Variants in TRPM2 observed in about 807,000 individuals in gnomAD.
TRPM2 encodes estrogen-responsive element-associated gene 1 protein.
A neutral mutation model predicts 174.0 loss-of-function variants in TRPM2; 161 were observed. The observed-to-expected ratio is 0.93, with a 90% CI of 0.81 to 1.05. TRPM2 has a LOEUF of 1.05. TRPM2 is among the 50% of genes least tolerant of loss of function. TRPM2 has a pLI of 0.00. For missense variants in TRPM2, 2,057 were observed against 2,038.0 expected (o/e 1.01, Z -0.18); for synonymous variants, 954 against 861.3 (o/e 1.11, Z -1.88).
Position 44,399,284 on chromosome 21 carries a change from A to G in TRPM2, c.2063-12A>G, listed in dbSNP as rs10211867. ...CCTGCTGCTCTGACGGGGCTCTCAT[A>G]TCTCCGCCCAGGGGTCTTCACCGAG... On this transcript the variant is annotated splice_polypyrimidine_tract_variant and intron_variant, in intron 13 of 31. Transcript: ENST00000397928. This position sits in a 1 kb window ranked among gnomAD's most constrained non-coding sequence, Gnocchi z 4.6. The G allele has an allele frequency of 9.6e-3, 15,389 of 1,607,600 alleles. 706 individuals are homozygous for G. The African/African-American group carries it at 0.12, about 12-fold the overall frequency.
intron 20 of TRPM2, chr21:44,416,879 T>C (rs1484727376): frequency 9.9e-6 from 2 of 201,968 alleles, no homozygotes; most frequent in Non-Finnish European, 1.9e-5. Flanking sequence ...AGTGGGCACG[T>C]GGGTGTGGCT....
At chr21:44,410,868 G>T (rs1215427016) in intron 19 of TRPM2, among the ~76,000 whole-genome samples, 1 of 86,558 alleles carries the variant, frequency 1.2e-5, no homozygotes, top group African/African-American at 3.7e-5. Flanking sequence ...CTGTCTTGGT[G>T]AGCGTAGTCT....
chr21:44,413,931 C>G lies in TRPM2; in HGVS notation c.3003C>G (p.Thr1001=). 6.2e-7 allele frequency: 1 copy of G among 1,613,982 alleles called. No individual in the cohort carries two copies. Among genetic ancestry groups the G allele is most frequent in the Non-Finnish European group, 8.5e-7 (1 of 1,179,980 alleles). The change falls in exon 20 of 32, where the codon ACC becomes ACG. Residue 1001 remains threonine, a synonymous_variant. Transcript: ENST00000397928. ...CGGAGCACTGCAGCCCCAATGGCAC[C>G]GACCCCTACAAGCCTAAGTGCCCCG... is the stretch of plus-strand genomic sequence containing the variant. ...FNPEHCSPNG[T]DPYKPKCPES...
At chr21:44,388,791 C>G (rs944431907) in intron 9 of TRPM2, among the ~76,000 whole-genome samples, 1 of 152,044 alleles carries the variant, frequency 6.6e-6, no homozygotes. Context: ...AATATGATCA[C>G]AGCACTGTGC....
intron 28 of TRPM2, 120 bp from the exon 29 acceptor site, chr21:44,436,942 G>T: frequency 2.6e-6 from 2 of 767,962 alleles, no homozygotes; most frequent in South Asian, 1.8e-5. Flanking sequence ...AAAAGAACAC[G>T]GTTTGAGCCT....
chr21:44,386,599 A>G (rs1275060496), intron 9 of TRPM2, among the ~76,000 whole-genome samples: 2 of 152,212 alleles, frequency 1.3e-5, no homozygotes, highest in Admixed American at 6.5e-5. Context: ...GAAAGAAGAC[A>G]TAAATAAATG....
intron 27 of TRPM2, among the ~76,000 whole-genome samples, chr21:44,427,784 T>C (rs1015279201): frequency 6.6e-6 from 1 of 152,120 alleles, no homozygotes; most frequent in Non-Finnish European, 1.5e-5. Flanking sequence ...GAACAGGGTG[T>C]GGGCTCCTCT....
chr21:44,424,888 A>G lies in TRPM2; in HGVS notation c.3586A>G (p.Arg1196Gly), dbSNP rs576109616. ...QTAQALHWIV[R>G]TLRASGFSSE... is the part of the protein sequence containing the mutation. ...AGCCCAAGCCCTGCACTGGATCGTG[A>G]GGACGCTGCGGGCCAGCGGCTTCAG... The change falls in exon 24 of 32, where the codon AGG (arginine) becomes GGG (glycine). Residue 1196 changes from arginine (R) to glycine (G), a missense_variant. By Grantham distance (125) the Arg-to-Gly change is moderately radical (BLOSUM62 -2). Transcript: ENST00000397928. 3 of 1,608,328 alleles carry G rather than the reference A, an allele frequency of 1.9e-6. No individual in the cohort carries two copies. In the South Asian group the frequency reaches 3.3e-5, roughly 18 times the overall value.
chr21:44,407,688 GTAA>G (rs922554018), intron 19 of TRPM2, among the ~76,000 whole-genome samples: 3 of 151,632 alleles, frequency 2.0e-5, no homozygotes, highest in Admixed American at 6.6e-5. Context: ...ACTGGATGAT[GTAA>G]TAGGCAGTCT....
intron 16 of TRPM2, among the ~76,000 whole-genome samples, chr21:44,403,539 C>T (rs2049708198): frequency 6.6e-6 from 1 of 150,580 alleles, no homozygotes; most frequent in South Asian, 2.1e-4. Flanking sequence ...TGCACACACA[C>T]ATAGGCACAC....
chr21:44,400,824 C>T (rs577216540), intron 15 of TRPM2, among the ~76,000 whole-genome samples: 1 of 151,894 alleles, frequency 6.6e-6, no homozygotes, highest in South Asian at 2.1e-4. Flanking sequence ...ACACGGCTGG[C>T]CATGGTTGAA....
intron 12 of TRPM2, 123 bp downstream of exon 12, chr21:44,395,674 G>GTGTGGAGGGGTGTGGAGGGCTGTGGAGGA: frequency 2.2e-6 from 1 of 453,794 alleles, no homozygotes; most frequent in Non-Finnish European, 3.6e-6. Flanking sequence ...CTGTGGAGGG[G>GTGTGGAGGGGTGTGGAGGGCTGTGGAGGA]TGTGGAGGGG....
At chr21:44,368,981 C>T in intron 4 of TRPM2, 196 bp from the exon 5 acceptor site, 1 of 520,774 alleles carries the variant, frequency 1.9e-6, no homozygotes, top group South Asian at 4.0e-5. Flanking sequence ...GGGGCCTGCT[C>T]CTGTTCCCAC....
At chr21:44,359,718 T>C (rs565724908) in intron 2 of TRPM2, among the ~76,000 whole-genome samples, 1 of 150,130 alleles carries the variant, frequency 6.7e-6, no homozygotes, top group South Asian at 2.1e-4. Context: ...CTGTCTCATC[T>C]GTGTATATAT....
chr21:44,373,486 C>T (rs925891604), intron 5 of TRPM2, among the ~76,000 whole-genome samples: 5 of 152,220 alleles, frequency 3.3e-5, no homozygotes, highest in Admixed American at 6.5e-5. Context: ...TGCGCTTGGC[C>T]GTTGGCCTTC....
intron 16 of TRPM2, among the ~76,000 whole-genome samples, chr21:44,404,836 G>T (rs2049809270): frequency 7.1e-6 from 1 of 139,932 alleles, no homozygotes; most frequent in South Asian, 2.4e-4. Flanking sequence ...AGTGATGATA[G>T]TGACAGTGAT....
chr21:44,393,503 G>T (rs1412167580), intron 11 of TRPM2, among the ~76,000 whole-genome samples: 1 of 152,086 alleles, frequency 6.6e-6, no homozygotes, highest in African/African-American at 2.4e-5. Flanking sequence ...TATTTGGGGG[G>T]CTATATTTGT....
intron 30 of TRPM2, 78 bp from the exon 31 acceptor site, chr21:44,440,711 G>C: frequency 8.1e-7 from 1 of 1,240,046 alleles, no homozygotes; most frequent in Non-Finnish European, 1.2e-6. Flanking sequence ...AGCTGGGTCA[G>C]GGTGGAGGGC....
intron 16 of TRPM2, among the ~76,000 whole-genome samples, chr21:44,402,280 C>T (rs945935675): frequency 1.1e-4 from 17 of 152,268 alleles, no homozygotes; most frequent in Middle Eastern, 3.4e-3. Flanking sequence ...GACCCACAGA[C>T]GCTGGGGAGT....
Sources: allele counts gnomAD v4.1 joint callset (sites outside exome capture counted in the v4.1 genomes callset), GRCh38; gene constraint gnomAD v4.1.1; non-coding constraint Gnocchi (gnomAD v3.1); transcripts MANE v1.5; gene names NCBI Gene and HGNC (gene_info 2026-07-23, HGNC 2026-07-21).